KIF16B: variants seen among roughly 807,000 people sequenced by gnomAD.
KIF16B encodes the protein kinesin family member 16B.
KIF16B carries 98 observed loss-of-function variants against 156.3 expected under a neutral mutation model. The observed-to-expected ratio is 0.63, with a 90% confidence interval of 0.53 to 0.74. The LOEUF is 0.74. Ranked by LOEUF, KIF16B falls within the 30% of genes least tolerant of loss-of-function variation. The pLI is 0.00. For missense variants in KIF16B, 1,421 were observed against 1,606.5 expected, an observed-to-expected ratio of 0.88 and a Z score of 1.97; for synonymous variants, 564 against 583.7, an observed-to-expected ratio of 0.97 and a Z score of 0.49.
intron 3 of KIF16B, among the ~76,000 whole-genome samples, chr20:16,524,069 C>G (rs1206609361): frequency 1.3e-5 from 2 of 152,098 alleles, no homozygotes; most frequent in African/African-American, 2.4e-5. Flanking sequence ...ACCATAAAAA[C>G]CATAGAAGAA....
rs77677811 is a variant in KIF16B at position 16,279,646 on chromosome 20, C to T, written c.3796-6235G>A. On this transcript the variant is annotated intron_variant, in intron 25 of 25. Transcript: ENST00000354981. ...TCACGCTCTTCTCTTAGGAAAAGGT[C>T]GATCCTAGGAGGCTCTGGAGAATCA... is the stretch of plus-strand genomic sequence containing the variant. 1.5e-3 allele frequency among the ~76,000 whole-genome samples: 222 copies of T among 152,116 alleles called. 2 individuals are homozygous for T. In the East Asian group the frequency reaches 0.02, roughly 13 times the overall value.
chr20:16,509,356 G>A (rs1404339582), intron 6 of KIF16B, among the ~76,000 whole-genome samples: 1 of 152,062 alleles, frequency 6.6e-6, no homozygotes, highest in South Asian at 2.1e-4. Flanking sequence ...TCTTAGAGGT[G>A]GAATTTCTAG....
intron 25 of KIF16B, among the ~76,000 whole-genome samples, chr20:16,288,329 T>A (rs1229419450): frequency 6.6e-6 from 1 of 152,228 alleles, no homozygotes; most frequent in Non-Finnish European, 1.5e-5. Flanking sequence ...GGAGCTATTG[T>A]CTACAAAATG....
intron 23 of KIF16B, among the ~76,000 whole-genome samples, chr20:16,345,923 T>C (rs556348321): frequency 5.9e-5 from 9 of 152,300 alleles, no homozygotes; most frequent in African/African-American, 2.2e-4. Context: ...CTGGCTCCAT[T>C]AGGGACACTT....
At chr20:16,340,039 G>A (rs935948517) in intron 23 of KIF16B, among the ~76,000 whole-genome samples, 1 of 152,112 alleles carries the variant, frequency 6.6e-6, no homozygotes, top group Non-Finnish European at 1.5e-5. Context: ...GTATGAGTTC[G>A]AGTTCTTCCA....
chr20:16,451,653 C>A (rs967408254), intron 12 of KIF16B, among the ~76,000 whole-genome samples: 1 of 152,070 alleles, frequency 6.6e-6, no homozygotes, highest in Non-Finnish European at 1.5e-5. Context: ...GGAGAGAAAG[C>A]AACACTAAAG....
Position 16,573,280 on chromosome 20 carries a change from C to T in KIF16B, c.-5G>A. On this transcript the variant is annotated 5_prime_UTR_variant, in exon 1 of 26. The change abolishes an upstream ATG in the 5' untranslated region. Transcript: ENST00000354981. Reference sequence around the variant, plus strand: ...GGCCACCTTGACCGATGCCATCGCTCATCCCGAACCAGCCCGCGCGGGGTC... The same window carrying T: ...GGCCACCTTGACCGATGCCATCGCTTATCCCGAACCAGCCCGCGCGGGGTC... 6.2e-7 allele frequency: 1 copy of T among 1,609,928 alleles called. No individual in the cohort carries two copies. Among genetic ancestry groups the T allele is most frequent in the Non-Finnish European group, 8.5e-7 (1 of 1,178,986 alleles).
intron 1 of KIF16B, among the ~76,000 whole-genome samples, chr20:16,535,356 A>C (rs2069918670): frequency 3.9e-5 from 6 of 152,166 alleles, no homozygotes; most frequent in Admixed American, 3.9e-4. Context: ...CTGCAACTTT[A>C]TTAAATTCAT....
intron 22 of KIF16B, among the ~76,000 whole-genome samples, chr20:16,370,117 G>A (rs2064780765): frequency 6.6e-6 from 1 of 152,132 alleles, no homozygotes; most frequent in African/African-American, 2.4e-5. Flanking sequence ...CTCAGTGGAG[G>A]AGAATACCAG....
At chr20:16,490,062 T>C (rs963378802) in intron 12 of KIF16B, among the ~76,000 whole-genome samples, 4 of 152,148 alleles carry the variant, frequency 2.6e-5, no homozygotes, top group African/African-American at 9.7e-5. Context: ...CACTAGGTCA[T>C]CAGATTTGTA....
chr20:16,532,205 C>T (rs2147177784), intron 1 of KIF16B, among the ~76,000 whole-genome samples: 1 of 151,600 alleles, frequency 6.6e-6, no homozygotes, highest in Non-Finnish European at 1.5e-5. Context: ...TTTAGAGATA[C>T]ATATTGAAAT....
chr20:16,369,343 T>C (rs1173788576), intron 22 of KIF16B: 10 of 954,362 alleles, frequency 1.0e-5, no homozygotes, highest in Non-Finnish European at 1.2e-5. Context: ...TGATGATTCT[T>C]GTCATTGGTT....
At chr20:16,444,987 T>C (rs2066894324) in intron 12 of KIF16B, among the ~76,000 whole-genome samples, 1 of 152,186 alleles carries the variant, frequency 6.6e-6, no homozygotes, top group Non-Finnish European at 1.5e-5. Context: ...CTCAGCATAG[T>C]GTTAGTTATC....
chr20:16,525,226 G>A (rs775190901), intron 3 of KIF16B, among the ~76,000 whole-genome samples: 3 of 152,034 alleles, frequency 2.0e-5, no homozygotes, highest in Admixed American at 6.6e-5. Flanking sequence ...CCTACTTTTC[G>A]AGATGCCATT....
At chr20:16,334,937 T>C (rs2064009610) in intron 24 of KIF16B, among the ~76,000 whole-genome samples, 1 of 152,224 alleles carries the variant, frequency 6.6e-6, no homozygotes, top group Non-Finnish European at 1.5e-5. Context: ...AGCTTAATTC[T>C]ACCTGAGCTC....
At chr20:16,367,298 G>A (rs1438713730) in intron 22 of KIF16B, 3 of 1,612,778 alleles carry the variant, frequency 1.9e-6, no homozygotes, top group Non-Finnish European at 2.5e-6. Context: ...AGGTGCTCAG[G>A]TGGACTATTT....
intron 5 of KIF16B, 130 bp from the exon 6 acceptor site, chr20:16,511,657 G>A (rs1345535165): frequency 5.0e-6 from 3 of 596,020 alleles, no homozygotes; most frequent in African/African-American, 3.7e-5. Context: ...AGTGGTGACT[G>A]TGTATCAGGT....
At chr20:16,409,850 A>G (rs1195208929) in intron 15 of KIF16B, among the ~76,000 whole-genome samples, 1 of 150,510 alleles carries the variant, frequency 6.6e-6, no homozygotes, top group East Asian at 2.0e-4. Context: ...GGTTTTGGAC[A>G]TAATGAATTA....
In KIF16B at chr20:16,344,697, A is replaced by G. The variant is rs542990090; in HGVS notation, c.3622-8682T>C. On this transcript the variant is annotated intron_variant, in intron 23 of 25. Coordinates refer to ENST00000354981, the MANE Select transcript of KIF16B (RefSeq NM_024704.5). Reference sequence around the variant, plus strand: ...CCCTAGGAGGGTAGAATGAATTTACACTACAGGTATGCCATTTTAGCTCAG... The same window carrying G: ...CCCTAGGAGGGTAGAATGAATTTACGCTACAGGTATGCCATTTTAGCTCAG... Among the ~76,000 whole-genome samples the G allele has an allele frequency of 3.9e-5, 6 of 152,180 alleles. No homozygotes were observed. In the South Asian group the frequency reaches 8.3e-4, roughly 21 times the overall value.
Sources: gnomAD v4.1 joint callset for allele counts (sites outside exome capture counted in the v4.1 genomes callset) on GRCh38, gnomAD v4.1.1 for gene constraint, MANE v1.5 for transcripts, NCBI Gene and HGNC (gene_info 2026-07-23, HGNC 2026-07-21) for gene names.